Variants in COL23A1 observed in about 807,000 individuals in gnomAD.
The protein encoded by COL23A1 is collagen type XXIII alpha 1 chain, also known as collagen alpha-1(XXIII) chain.
Under a neutral mutation model 99.3 loss-of-function variants are expected in COL23A1, and 97 were observed. The observed-to-expected ratio is 0.98, with a 90% confidence interval of 0.83 to 1.16. The LOEUF (loss-of-function observed/expected upper bound fraction) is 1.16. COL23A1 is among the 50% of genes most tolerant of loss of function. The pLI is 0.00. For missense variants in COL23A1, 762 were observed against 757.4 expected (o/e 1.01, Z -0.07); for synonymous variants, 320 against 308.2 (o/e 1.04, Z -0.40).
chr5:178,426,599 C>A (rs541798000), intron 2 of COL23A1, among the ~76,000 whole-genome samples: 21 of 152,314 alleles, frequency 1.4e-4, no homozygotes, highest in African/African-American at 4.3e-4. Flanking sequence ...TGCCGCACAC[C>A]ACCCCCTGCA....
At chr5:178,400,807 T>C (rs913158506) in intron 2 of COL23A1, among the ~76,000 whole-genome samples, 11 of 152,156 alleles carry the variant, frequency 7.2e-5, no homozygotes, top group Admixed American at 7.2e-4. Flanking sequence ...CCGGCTAATT[T>C]TTGTATTTTT....
At chr5:178,539,216 G>A (rs1051608447) in intron 2 of COL23A1, among the ~76,000 whole-genome samples, 4 of 152,258 alleles carry the variant, frequency 2.6e-5, no homozygotes, top group East Asian at 1.9e-4. Context: ...CAGATGAACC[G>A]TACGGTGTCT....
intron 2 of COL23A1, among the ~76,000 whole-genome samples, chr5:178,346,403 T>C (rs1240211570): frequency 1.3e-5 from 2 of 152,036 alleles, no homozygotes; most frequent in Non-Finnish European, 2.9e-5. Context: ...CTGGCTAATT[T>C]TTTTGTATTT....
At chr5:178,491,776 C>A (rs974135797) in intron 2 of COL23A1, among the ~76,000 whole-genome samples, 1 of 151,804 alleles carries the variant, frequency 6.6e-6, no homozygotes, top group East Asian at 1.9e-4. Context: ...ACTCTGTCAC[C>A]CAGGCTGGAG....
chr5:178,303,893 G>A (rs1240231835), intron 3 of COL23A1, among the ~76,000 whole-genome samples: 1 of 152,228 alleles, frequency 6.6e-6, no homozygotes, highest in Non-Finnish European at 1.5e-5. Context: ...GGTGTCCAGG[G>A]CTGCGAGAGA....
chr5:178,391,663 GA>G (rs1445151027), intron 2 of COL23A1, among the ~76,000 whole-genome samples: 3 of 152,174 alleles, frequency 2.0e-5, no homozygotes, highest in Non-Finnish European at 4.4e-5. Context: ...AGCTTTGGAA[GA>G]CAGTCTGGCA....
At chr5:178,423,366 G>C (rs554132022) in intron 2 of COL23A1, among the ~76,000 whole-genome samples, 2 of 152,098 alleles carry the variant, frequency 1.3e-5, no homozygotes, top group African/African-American at 4.8e-5. Flanking sequence ...AGGAGGACCC[G>C]CAGCTCCCCG....
chr5:178,360,788 C>T (rs1453816970), intron 2 of COL23A1, among the ~76,000 whole-genome samples: 1 of 152,228 alleles, frequency 6.6e-6, no homozygotes, highest in Non-Finnish European at 1.5e-5. Context: ...TATACTTCTG[C>T]TGTGACATCC....
intron 2 of COL23A1, among the ~76,000 whole-genome samples, chr5:178,508,760 C>T (rs140722998): frequency 2.6e-4 from 40 of 152,220 alleles, no homozygotes; most frequent in Admixed American, 8.5e-4. Flanking sequence ...GTGCATCTGG[C>T]GAGGCTAGCC....
chr5:178,262,376 C>T (rs1765680705), intron 9 of COL23A1, 124 bp from the exon 10 acceptor site: 1 of 878,100 alleles, frequency 1.1e-6, no homozygotes, highest in African/African-American at 1.7e-5. Flanking sequence ...CTCGCCAAAC[C>T]TGAAGAGCGA....
intron 2 of COL23A1, among the ~76,000 whole-genome samples, chr5:178,512,436 G>A (rs927982078): frequency 2.6e-5 from 4 of 152,278 alleles, no homozygotes; most frequent in South Asian, 2.1e-4. Context: ...GATATATCCC[G>A]GGTGTCCACC....
chr5:178,325,891 G>A (rs567354179), intron 2 of COL23A1, among the ~76,000 whole-genome samples: 4 of 152,284 alleles, frequency 2.6e-5, no homozygotes, highest in Admixed American at 6.5e-5. Flanking sequence ...TCGTGCCTGC[G>A]CTTGTGCCTG....
At chr5:178,462,879 A>G (rs1448237045) in intron 2 of COL23A1, among the ~76,000 whole-genome samples, 1 of 152,192 alleles carries the variant, frequency 6.6e-6, no homozygotes, top group Non-Finnish European at 1.5e-5. Flanking sequence ...ACTGGTGTGA[A>G]ACTTGGTGAA....
At chr5:178,407,005 T>C (rs1447174961) in intron 2 of COL23A1, among the ~76,000 whole-genome samples, 2 of 152,208 alleles carry the variant, frequency 1.3e-5, no homozygotes. Context: ...ACAGATCAGC[T>C]AGGCAACCTG....
chr5:178,429,559 T>C (rs1766141501), intron 2 of COL23A1, among the ~76,000 whole-genome samples: 1 of 152,232 alleles, frequency 6.6e-6, no homozygotes, highest in Non-Finnish European at 1.5e-5. Context: ...GGGAGATGAA[T>C]GCAGAATTTT....
intron 4 of COL23A1, 37 bp from the exon 5 acceptor site, chr5:178,288,387 C>A: frequency 6.3e-7 from 1 of 1,586,938 alleles, no homozygotes; most frequent in South Asian, 1.1e-5. Context: ...ATCAGAGTTT[C>A]GGCAGAAACC....
chr5:178,463,323 T>C (rs1010609833), intron 2 of COL23A1, among the ~76,000 whole-genome samples: 1 of 152,242 alleles, frequency 6.6e-6, no homozygotes, highest in Non-Finnish European at 1.5e-5. Context: ...TTTCATCAGA[T>C]GTGTGGAAAT....
At chr5:178,495,668 A>G (rs963556156) in intron 2 of COL23A1, among the ~76,000 whole-genome samples, 2 of 152,010 alleles carry the variant, frequency 1.3e-5, no homozygotes, top group African/African-American at 2.4e-5. Context: ...GGAGAGTGGG[A>G]AGGGGGAGGA....
chr5:178,311,905 A>G (rs923241669), intron 2 of COL23A1, among the ~76,000 whole-genome samples: 2 of 151,436 alleles, frequency 1.3e-5, no homozygotes, highest in African/African-American at 4.9e-5. Context: ...TAATTTTTGT[A>G]TTTTTAGTAG....
Sources: allele counts gnomAD v4.1 joint callset (sites outside exome capture counted in the v4.1 genomes callset), GRCh38; gene constraint gnomAD v4.1.1; transcripts MANE v1.5; gene names NCBI Gene and HGNC (gene_info 2026-07-23, HGNC 2026-07-21).